The following CCNJL variants were observed in gnomAD, a reference collection of about 807,000 sequenced individuals.
CCNJL encodes the protein cyclin J like, also known as cyclin-J-like protein.
In CCNJL, 33 loss-of-function variants were observed where a neutral mutation model predicts 33.4. The observed-to-expected ratio is 0.99, with a 90% CI of 0.75 to 1.32. The LOEUF (loss-of-function observed/expected upper bound fraction) is 1.32. Among genes scored for constraint, CCNJL ranks in the 40% most tolerant of loss-of-function variants. CCNJL has a pLI of 0.00. For missense variants in CCNJL, 512 were observed against 499.7 expected, an observed-to-expected ratio of 1.02 and a Z score of -0.23; for synonymous variants, 227 against 220.9, an observed-to-expected ratio of 1.03 and a Z score of -0.24.
At chr5:160,253,861 T>A in intron 5 of CCNJL, 63 bp from the exon 6 acceptor site, 1 of 1,313,508 alleles carries the variant, frequency 7.6e-7, no homozygotes, top group South Asian at 1.5e-5. Context: ...TGTGTGTGTC[T>A]CTACCTGTCT....
rs962273640 is a variant in CCNJL, at chr5:160,337,804, A to G, written n.206+1641T>C. Among the ~76,000 whole-genome samples the G allele has an allele frequency of 5.3e-5, 8 of 152,240 alleles. No individual in the cohort carries two copies. In the East Asian group the frequency reaches 9.6e-4, roughly 18 times the overall value. ...AATTGTGAACAAATGTGAACCTGAA[A>G]GAACCAATCCTTCAAGATAGATCCT... On this transcript the variant is annotated intron_variant and non_coding_transcript_variant, in intron 1 of 7. Transcript: ENST00000377503.
rs1349705851 is a variant in CCNJL, at chr5:160,312,555, G to C, written c.-241C>G. On this transcript the variant is annotated 5_prime_UTR_variant, in exon 1 of 6. Transcript: ENST00000257536. ...GTGCGCTCGGGTCCCGCCGCGGCTC[G>C]CAGGCTCCCGGCCGCCGGGGGCCTC... 1.3e-5 allele frequency: 2 copies of C among 151,562 alleles called. No homozygotes were observed. Among genetic ancestry groups the C allele is most frequent in the Non-Finnish European group, 2.9e-5 (2 of 67,844 alleles). The allele number at this position is 151,562 out of a possible 1,614,324, so 9.4% of individuals were successfully genotyped here.
chr5:160,267,909 T>C (rs1018872204), intron 3 of CCNJL, among the ~76,000 whole-genome samples: 1 of 152,180 alleles, frequency 6.6e-6, no homozygotes, highest in Non-Finnish European at 1.5e-5. Flanking sequence ...TTACGCTACT[T>C]AGCAATTTAA....
intron 2 of CCNJL, among the ~76,000 whole-genome samples, chr5:160,311,139 C>A (rs1202804155): frequency 6.6e-6 from 1 of 152,136 alleles, no homozygotes; most frequent in Non-Finnish European, 1.5e-5. Context: ...CCCAATGCCC[C>A]TCAGCCCTTC....
chr5:160,314,101 G>A (rs1211824054), upstream of CCNJL, among the ~76,000 whole-genome samples: 5 of 152,186 alleles, frequency 3.3e-5, no homozygotes, highest in Admixed American at 3.3e-4. Flanking sequence ...TCTGGGAGGC[G>A]GAGGTTGCAG....
chr5:160,269,560 G>C, intron 3 of CCNJL: 1 of 448,856 alleles, frequency 2.2e-6, no homozygotes. Flanking sequence ...CGGGGAACAG[G>C]GAGAAGGAAA....
chr5:160,336,403 G>A (rs971614256), intron 1 of CCNJL, among the ~76,000 whole-genome samples: 15 of 152,226 alleles, frequency 9.9e-5, no homozygotes, highest in African/African-American at 3.6e-4. Flanking sequence ...GTGTGACCAA[G>A]GAGGCAGAGA....
intron 2 of CCNJL, among the ~76,000 whole-genome samples, chr5:160,293,761 G>T (rs972005583): frequency 3.3e-5 from 5 of 152,180 alleles, no homozygotes; most frequent in African/African-American, 1.2e-4. Context: ...AACTGCCAAG[G>T]CCACACTGCA....
At chr5:160,311,382 T>A (rs1317499367) in intron 2 of CCNJL, among the ~76,000 whole-genome samples, 3 of 152,166 alleles carry the variant, frequency 2.0e-5, no homozygotes, top group Non-Finnish European at 4.4e-5. Context: ...ACCACTTATC[T>A]TTATATAGAG....
At chr5:160,255,814 C>T (rs936627177) in intron 4 of CCNJL, 106 bp from the exon 5 acceptor site, 41 of 924,186 alleles carry the variant, frequency 4.4e-5, no homozygotes, top group Non-Finnish European at 5.0e-5. Flanking sequence ...GGCTTTTCAT[C>T]GCTGCCCTAC....
intron 3 of CCNJL, among the ~76,000 whole-genome samples, chr5:160,262,554 C>T (rs1761386844): frequency 6.6e-6 from 1 of 152,176 alleles, no homozygotes; most frequent in Non-Finnish European, 1.5e-5. Context: ...TAAAATGGTG[C>T]TGCAGAATGG....
At chr5:160,283,664 T>G (rs1315076264) in intron 2 of CCNJL, among the ~76,000 whole-genome samples, 1 of 152,180 alleles carries the variant, frequency 6.6e-6, no homozygotes, top group East Asian at 1.9e-4. Context: ...AAATGTACAA[T>G]TAAGATATTG....
chr5:160,310,993 T>C (rs1369144881), intron 2 of CCNJL, among the ~76,000 whole-genome samples: 1 of 152,226 alleles, frequency 6.6e-6, no homozygotes, highest in African/African-American at 2.4e-5. Context: ...TGGTCCTTTG[T>C]AATGGCAGCC....
At chr5:160,292,232 T>G (rs1284236070) in intron 2 of CCNJL, among the ~76,000 whole-genome samples, 1 of 152,242 alleles carries the variant, frequency 6.6e-6, no homozygotes, top group Non-Finnish European at 1.5e-5. Context: ...CAAGTCTTCA[T>G]GAGTATTTGG....
Position 160,259,648 on chromosome 5 carries a change from A to T in CCNJL, c.404T>A (p.Leu135Gln), listed in dbSNP as rs369977913. Residue 135 changes from leucine to glutamine, a missense_variant, in exon 4 of 6, where the codon CTG (leucine) becomes CAG (glutamine). By Grantham distance (113) the Leu-to-Gln change is moderately radical. Coordinates refer to ENST00000257536, the MANE Select transcript of CCNJL (RefSeq NM_001308173.3). ...GCAGAGGTTCCAGCTGAAGGCCTCC[A>T]GGAGCAGCAGCTCTGTGCTCAGCAG... ...KELLSTELLL[L>Q]EAFSWNLCLP... is the part of the protein sequence containing the mutation. 6 of 1,614,078 alleles carry T rather than the reference A, an allele frequency of 3.7e-6. No individual in the cohort carries two copies. The highest frequency in any genetic ancestry group is 4.2e-6 in the Non-Finnish European group (5 of 1,180,030).
Position 160,311,844 on chromosome 5 carries a change from A to G in CCNJL, c.66+14T>C. The G allele has an allele frequency of 6.2e-7, 1 of 1,611,884 alleles. No homozygotes were observed. Among genetic ancestry groups the G allele is most frequent in the Middle Eastern group, 1.7e-4 (1 of 6,060 alleles). The stretch of plus-strand genomic sequence containing the variant: ...ACCCAGTCTTGAGAGTGACAAGGGC[A>G]GGGAGGGACTGACCTTCTCGCGCAG... On this transcript the variant is annotated intron_variant, in intron 2 of 5. Transcript: ENST00000257536.
intron 2 of CCNJL, chr5:160,281,064 CTT>C (rs35328886): frequency 8.1e-6 from 3 of 371,528 alleles, no homozygotes; most frequent in East Asian, 7.2e-5. Flanking sequence ...AGTCCAAATT[CTT>C]TTTTTTTCCC....
chr5:160,286,639 A>G (rs1017878325), intron 2 of CCNJL, among the ~76,000 whole-genome samples: 1 of 151,948 alleles, frequency 6.6e-6, no homozygotes, highest in East Asian at 1.9e-4. Context: ...CTCTGTCTCA[A>G]AAAAAAAGCA....
At chr5:160,291,847 C>T (rs923527964) in intron 2 of CCNJL, among the ~76,000 whole-genome samples, 1 of 152,158 alleles carries the variant, frequency 6.6e-6, no homozygotes, top group Non-Finnish European at 1.5e-5. Context: ...GCTGGGTGTC[C>T]TGCCTTGGGA....
Sources: gnomAD v4.1 joint callset for allele counts (sites outside exome capture counted in the v4.1 genomes callset) on GRCh38, gnomAD v4.1.1 for gene constraint, MANE v1.5 for transcripts, NCBI Gene and HGNC (gene_info 2026-07-23, HGNC 2026-07-21) for gene names.